Variants in LOXL2 observed in about 807,000 individuals in gnomAD.
LOXL2 encodes lysyl oxidase homolog 2.
Under a neutral mutation model 93.0 loss-of-function variants are expected in LOXL2, and 70 were observed. The ratio of observed to expected loss-of-function variants is 0.75; its 90% CI spans 0.62 to 0.92. The LOEUF (loss-of-function observed/expected upper bound fraction) is 0.92. Ranked by LOEUF, LOXL2 falls within the 40% of genes least tolerant of loss-of-function variation. The pLI is 0.00. For missense variants in LOXL2, 973 were observed against 1,054.9 expected, an observed-to-expected ratio of 0.92 and a Z score of 1.08; for synonymous variants, 438 against 413.2, an observed-to-expected ratio of 1.06 and a Z score of -0.73.
chr8:23,400,859 C>T lies in LOXL2; in HGVS notation c.-84+3095G>A, dbSNP rs117514111. ...CAGAGAGGGCAGCTCTGAGCCCTTA[C>T]AGTTTTGCAATGAGCTAGGAAACAA... On this transcript the variant is annotated intron_variant, in intron 1 of 13. Transcript: ENST00000389131. Among the ~76,000 whole-genome samples the T allele has an allele frequency of 4.1e-3, 620 of 152,286 alleles. 14 individuals carry two copies. The East Asian group carries it at 0.062, about 15-fold the overall frequency.
intron 2 of LOXL2, among the ~76,000 whole-genome samples, chr8:23,362,751 G>A (rs1025339087): frequency 5.3e-5 from 8 of 152,012 alleles, no homozygotes; most frequent in Non-Finnish European, 8.8e-5. Context: ...AATCCAAAAA[G>A]TTAAGGTGGT....
intron 3 of LOXL2, 35 bp from the exon 4 acceptor site, chr8:23,341,238 C>T (rs1352803658): frequency 6.5e-7 from 1 of 1,549,408 alleles, no homozygotes. Flanking sequence ...AGAGGGTTAC[C>T]CTACTGGCCT....
At chr8:23,335,222 C>A (rs946860092) in intron 4 of LOXL2, among the ~76,000 whole-genome samples, 19 of 152,086 alleles carry the variant, frequency 1.2e-4, no homozygotes, top group Non-Finnish European at 2.4e-4. Flanking sequence ...ATGACTCTGG[C>A]CCTTTAAGAA....
intron 1 of LOXL2, among the ~76,000 whole-genome samples, chr8:23,390,920 C>T (rs1456045212): frequency 1.3e-5 from 2 of 152,002 alleles, no homozygotes; most frequent in African/African-American, 4.8e-5. Context: ...CTGGGGAGGC[C>T]TCACAATCAT....
chr8:23,372,186 A>T (rs1409721086), intron 1 of LOXL2, among the ~76,000 whole-genome samples: 1 of 151,840 alleles, frequency 6.6e-6, no homozygotes, highest in Non-Finnish European at 1.5e-5. Context: ...ATCAGAACGA[A>T]TATAACAAAA....
At chr8:23,333,991 G>T (rs563835252) in intron 4 of LOXL2, among the ~76,000 whole-genome samples, 1 of 152,154 alleles carries the variant, frequency 6.6e-6, no homozygotes, top group African/African-American at 2.4e-5. Context: ...CCTCACAGTC[G>T]AAGGTAAACC....
At chr8:23,318,455 AC>A (rs1563188769) in intron 8 of LOXL2, among the ~76,000 whole-genome samples, 66 of 138,140 alleles carry the variant, frequency 4.8e-4, no homozygotes, top group Non-Finnish European at 7.4e-4. Flanking sequence ...ACACACACAC[AC>A]ACACAAAAAT....
chr8:23,399,808 G>A (rs899812050), intron 1 of LOXL2, among the ~76,000 whole-genome samples: 1 of 152,316 alleles, frequency 6.6e-6, no homozygotes, highest in African/African-American at 2.4e-5. Context: ...CTGCTGGTGT[G>A]GAATCACCTA....
intron 1 of LOXL2, among the ~76,000 whole-genome samples, chr8:23,375,861 A>G (rs894661783): frequency 9.2e-5 from 14 of 152,322 alleles, no homozygotes; most frequent in Non-Finnish European, 1.6e-4. Flanking sequence ...GGTTTTCTAA[A>G]TATAAAATCA....
At chr8:23,306,926 G>A (rs564114793) in intron 10 of LOXL2, among the ~76,000 whole-genome samples, 4 of 152,338 alleles carry the variant, frequency 2.6e-5, no homozygotes, top group Non-Finnish European at 2.9e-5. Context: ...GAATAACTCC[G>A]GGGGCACTTT....
Position 23,297,721 on chromosome 8 carries a change from G to GTCGCCGTATCA in LOXL2, c.*321_*322insTGATACGGCGA. On this transcript the variant is annotated 3_prime_UTR_variant, in exon 14 of 14. Coordinates refer to ENST00000389131, the MANE Select transcript of LOXL2 (RefSeq NM_002318.3). ...CACTGTGTCTGTGGTGAGCTCGGTGGCTTGAATGGGACAAGCTGATGACAA... is the reference window on the plus strand; with the variant it reads ...CACTGTGTCTGTGGTGAGCTCGGTGGTCGCCGTATCACTTGAATGGGACAAGCTGATGACAA... The GTCGCCGTATCA allele has an allele frequency of 2.6e-5, 7 of 265,832 alleles. No individual in the cohort carries two copies. The highest frequency in any genetic ancestry group is 2.2e-4 in the South Asian group (3 of 13,720). The allele number at this position is 265,832 out of a possible 1,614,324, so 16.5% of individuals were successfully genotyped here.
intron 10 of LOXL2, among the ~76,000 whole-genome samples, chr8:23,306,058 G>A (rs1411666371): frequency 2.0e-5 from 3 of 152,210 alleles, no homozygotes; most frequent in Admixed American, 6.5e-5. Context: ...TGATCCACTC[G>A]CCTCCGTCTC....
At chr8:23,298,487 G>A (rs1803075272) in intron 13 of LOXL2, among the ~76,000 whole-genome samples, 1 of 152,218 alleles carries the variant, frequency 6.6e-6, no homozygotes, top group Non-Finnish European at 1.5e-5. Context: ...CTAGCTTCCA[G>A]CTCTCGACAG....
At chr8:23,385,444 G>C (rs1804746024) in intron 1 of LOXL2, among the ~76,000 whole-genome samples, 1 of 147,636 alleles carries the variant, frequency 6.8e-6, no homozygotes, top group South Asian at 2.1e-4. Flanking sequence ...ATTTTCAGTA[G>C]AGAAGGGGTT....
In LOXL2 at chr8:23,350,597, T is replaced by G. The variant is rs569237132; in HGVS notation, c.532-9394A>C. ...ACAAAAAATAAGCTGCTGGTAACAT[T>G]CTTTAGCCTGTGACTTCTTGATGGA... On this transcript the variant is annotated intron_variant, in intron 3 of 13. Transcript: ENST00000389131. Among the ~76,000 whole-genome samples, 791 of 152,282 alleles carry G rather than the reference T, an allele frequency of 5.2e-3. 8 individuals are homozygous for G. The highest frequency in any genetic ancestry group is 0.018 in the African/African-American group (757 of 41,580).
chr8:23,308,991 T>TA (rs374439039), intron 10 of LOXL2, among the ~76,000 whole-genome samples: 1,552 of 127,708 alleles, frequency 0.012, 5 homozygotes, highest in African/African-American at 0.028. Flanking sequence ...TATATATATA[T>TA]TTTTTTTTTT....
At chr8:23,397,577 G>GAC (rs564430051) in intron 1 of LOXL2, among the ~76,000 whole-genome samples, 1,702 of 152,168 alleles carry the variant, frequency 0.011, 11 homozygotes, top group Non-Finnish European at 0.018. Flanking sequence ...AGGAGATCGA[G>GAC]ACCATCCTGG....
chr8:23,357,942 A>G (rs1804225869), intron 3 of LOXL2, among the ~76,000 whole-genome samples: 1 of 152,166 alleles, frequency 6.6e-6, no homozygotes. Flanking sequence ...GGAGTTGGAG[A>G]TGTTGTTCCC....
At chr8:23,394,519 C>A (rs533531437) in intron 1 of LOXL2, among the ~76,000 whole-genome samples, 1 of 151,932 alleles carries the variant, frequency 6.6e-6, no homozygotes, top group Non-Finnish European at 1.5e-5. Flanking sequence ...ATACATCACT[C>A]GTCATCAAGC....
Sources: gnomAD v4.1 joint callset for allele counts (sites outside exome capture counted in the v4.1 genomes callset) on GRCh38, gnomAD v4.1.1 for gene constraint, MANE v1.5 for transcripts, NCBI Gene and HGNC (gene_info 2026-07-23, HGNC 2026-07-21) for gene names.